Variants in ZMAT4 observed in about 807,000 individuals in gnomAD.
ZMAT4 encodes zinc finger matrin-type 4.
In ZMAT4, 17 loss-of-function variants were observed where a neutral mutation model predicts 28.7. The observed-to-expected ratio is 0.59, with a 90% confidence interval of 0.41 to 0.89. The LOEUF is 0.89. Among genes scored for constraint, ZMAT4 ranks in the 40% least tolerant of loss-of-function variants. The probability of loss-of-function intolerance (pLI) is 0.00; values close to 1 mark genes in which losing one functional copy is unlikely to be tolerated. For synonymous variants in ZMAT4, 117 were observed against 109.2 expected, an observed-to-expected ratio of 1.07 and a Z score of -0.44; for missense variants, 240 against 283.8, an observed-to-expected ratio of 0.85 and a Z score of 1.11.
At chr8:40,664,838 C>CT (rs1170374983) in intron 5 of ZMAT4, among the ~76,000 whole-genome samples, 3 of 152,104 alleles carry the variant, frequency 2.0e-5, no homozygotes, top group Non-Finnish European at 4.4e-5. Context: ...AATGTCTTTC[C>CT]TTTGATTGGT....
intron 3 of ZMAT4, among the ~76,000 whole-genome samples, chr8:40,761,472 C>G (rs958898217): frequency 2.0e-5 from 3 of 152,096 alleles, no homozygotes; most frequent in Admixed American, 2.0e-4. Context: ...CCAGAGCCTT[C>G]TAAAGCTTTT....
intron 3 of ZMAT4, among the ~76,000 whole-genome samples, chr8:40,763,046 A>C (rs556033957): frequency 6.6e-6 from 1 of 152,296 alleles, no homozygotes; most frequent in South Asian, 2.1e-4. Flanking sequence ...GAAGTGGTTC[A>C]GTGTCACTTT....
chr8:40,792,432 A>G (rs1236020006), intron 2 of ZMAT4, among the ~76,000 whole-genome samples: 1 of 139,380 alleles, frequency 7.2e-6, no homozygotes, highest in Non-Finnish European at 1.5e-5. Context: ...TCAATAGATT[A>G]GTAGGTAAAC....
intron 1 of ZMAT4, among the ~76,000 whole-genome samples, chr8:40,833,438 C>T (rs1034838672): frequency 2.8e-4 from 42 of 150,158 alleles, no homozygotes; most frequent in African/African-American, 9.1e-4. Flanking sequence ...TGTGGTGGTG[C>T]GTGCCTGTAA....
chr8:40,573,164 T>C (rs533213164), intron 6 of ZMAT4, among the ~76,000 whole-genome samples: 24 of 152,310 alleles, frequency 1.6e-4, no homozygotes, highest in Admixed American at 3.3e-4. Context: ...ATCATCATCA[T>C]CACCAGGGCA....
Position 40,672,579 on chromosome 8 carries a change from A to G in ZMAT4, c.577+2125T>C, listed in dbSNP as rs536067024. Reference sequence around the variant, plus strand: ...AAGCTGCTCAAATGTTACAGAATTCAGACACCAAAGTCATTAAGATGTAGT... The same window carrying G: ...AAGCTGCTCAAATGTTACAGAATTCGGACACCAAAGTCATTAAGATGTAGT... On this transcript the variant is annotated intron_variant, in intron 5 of 6. Coordinates refer to ENST00000297737, the MANE Select transcript of ZMAT4 (RefSeq NM_024645.3). Among the ~76,000 whole-genome samples, 7 of 152,342 alleles carry G rather than the reference A, an allele frequency of 4.6e-5. No homozygotes were observed. The South Asian group carries it at 1.4e-3, about 32-fold the overall frequency.
At chr8:40,879,499 T>TA (rs1233953826) in intron 1 of ZMAT4, among the ~76,000 whole-genome samples, 6 of 151,756 alleles carry the variant, frequency 4.0e-5, no homozygotes. Flanking sequence ...CAGGGAGGAG[T>TA]AAAAAACGGT....
At chr8:40,704,794 A>T (rs1162072873) in intron 3 of ZMAT4, among the ~76,000 whole-genome samples, 1 of 152,234 alleles carries the variant, frequency 6.6e-6, no homozygotes, top group Non-Finnish European at 1.5e-5. Context: ...TTTTCTTACC[A>T]ATATGACTGC....
At chr8:40,723,542 C>CAAAAAAAAAAAA (rs58513087) in intron 3 of ZMAT4, among the ~76,000 whole-genome samples, 2 of 66,852 alleles carry the variant, frequency 3.0e-5, no homozygotes, top group Non-Finnish European at 5.2e-5. Context: ...GATTCCATCT[C>CAAAAAAAAAAAA]AAAAAAAAAA....
intron 6 of ZMAT4, among the ~76,000 whole-genome samples, 168 bp downstream of exon 6, chr8:40,580,997 G>A (rs62505436): frequency 0.22 from 33,500 of 152,092 alleles, 4,398 homozygotes; most frequent in Non-Finnish European, 0.3. Flanking sequence ...GCCAAATAAA[G>A]GGAAGAAGCC....
intron 3 of ZMAT4, among the ~76,000 whole-genome samples, chr8:40,709,167 G>C (rs61676320): frequency 6.6e-6 from 1 of 151,898 alleles, no homozygotes; most frequent in Non-Finnish European, 1.5e-5. Flanking sequence ...ATTACTTATA[G>C]TACCTAAGAG....
intron 6 of ZMAT4, among the ~76,000 whole-genome samples, chr8:40,559,913 C>T (rs950572382): frequency 6.6e-6 from 1 of 152,008 alleles, no homozygotes; most frequent in Non-Finnish European, 1.5e-5. Context: ...AGAAATAATC[C>T]CTATGGCCCC....
intron 2 of ZMAT4, among the ~76,000 whole-genome samples, chr8:40,801,742 C>T (rs1814860150): frequency 6.6e-6 from 1 of 152,070 alleles, no homozygotes; most frequent in South Asian, 2.1e-4. Flanking sequence ...GCCAGCATTA[C>T]TCTAGTACCA....
chr8:40,682,514 T>C (rs2150480503), intron 4 of ZMAT4, among the ~76,000 whole-genome samples: 1 of 152,348 alleles, frequency 6.6e-6, no homozygotes. Flanking sequence ...TATGTCTGGA[T>C]GCGAATTCTG....
intron 3 of ZMAT4, among the ~76,000 whole-genome samples, chr8:40,701,506 ATTTTTTT>A (rs58912869): frequency 2.7e-5 from 2 of 73,936 alleles, no homozygotes; most frequent in South Asian, 6.0e-4. Context: ...ACTATGCAGA[ATTTTTTT>A]TTTTTTTTTT....
intron 1 of ZMAT4, among the ~76,000 whole-genome samples, chr8:40,829,296 C>T (rs1816190260): frequency 6.6e-6 from 1 of 152,254 alleles, no homozygotes; most frequent in South Asian, 2.1e-4. Context: ...TGCCAAGCAA[C>T]CACTGGAGGA....
At chr8:40,859,758 T>C (rs1817425494) in intron 1 of ZMAT4, among the ~76,000 whole-genome samples, 1 of 151,870 alleles carries the variant, frequency 6.6e-6, no homozygotes, top group Admixed American at 6.6e-5. Flanking sequence ...GAGCCCTTGA[T>C]GACTATGAGC....
intron 1 of ZMAT4, among the ~76,000 whole-genome samples, chr8:40,842,839 G>A (rs191447607): frequency 3.9e-5 from 6 of 152,232 alleles, no homozygotes; most frequent in Admixed American, 1.3e-4. Flanking sequence ...GCAATGGCGC[G>A]ATCTCTGCTT....
chr8:40,759,701 C>T (rs1812848420), intron 3 of ZMAT4, among the ~76,000 whole-genome samples: 1 of 152,002 alleles, frequency 6.6e-6, no homozygotes, highest in Admixed American at 6.5e-5. Flanking sequence ...TGGTCGCGCC[C>T]CACCCACATG....
Sources: gnomAD v4.1 joint callset for allele counts (sites outside exome capture counted in the v4.1 genomes callset) on GRCh38, gnomAD v4.1.1 for gene constraint, MANE v1.5 for transcripts, NCBI Gene and HGNC (gene_info 2026-07-23, HGNC 2026-07-21) for gene names.